Variants in OVOL1 observed in about 807,000 individuals in gnomAD.
OVOL1 encodes putative transcription factor Ovo-like 1.
In OVOL1, 10 loss-of-function variants were observed where a neutral mutation model predicts 21.5. That is an observed-to-expected ratio of 0.46 (90% CI 0.29 to 0.79). OVOL1 has a LOEUF of 0.79. OVOL1 is among the 30% of genes least tolerant of loss of function. OVOL1 has a pLI of 0.10. For missense variants in OVOL1, 279 were observed against 362.3 expected, an observed-to-expected ratio of 0.77 and a Z score of 1.87; for synonymous variants, 129 against 150.3, an observed-to-expected ratio of 0.86 and a Z score of 1.03.
intron 1 of OVOL1, chr11:65,790,216 TC>T: frequency 6.6e-6 from 1 of 151,456 alleles, no homozygotes; most frequent in Non-Finnish European, 1.5e-5. Flanking sequence ...TGAAGCTGGT[TC>T]CCCCGAGCCC....
Position 65,795,052 on chromosome 11 carries a change from G to A in OVOL1, c.515G>A (p.Arg172Gln), listed in dbSNP as rs924332135. The A allele has an allele frequency of 2.6e-5, 42 of 1,612,104 alleles. No homozygotes were observed. Among genetic ancestry groups the A allele is most frequent in the Non-Finnish European group, 3.5e-5 (41 of 1,179,728 alleles). ...KRHVRTHTGV[R>Q]PYKCSLCDKA... ...GCCCCTGTCCTCCCCACAGGCGTGC[G>A]GCCCTACAAGTGCAGCCTGTGTGAC... Residue 172 changes from arginine (R) to glutamine (Q), a missense_variant, in exon 4 of 4, where the codon CGG (arginine) becomes CAG (glutamine). Coordinates refer to ENST00000335987, the MANE Select transcript of OVOL1 (RefSeq NM_004561.4). This position sits in a 1 kb window ranked among gnomAD's most constrained non-coding sequence, Gnocchi z 5.7.
At chr11:65,794,462 A>G in intron 2 of OVOL1, 76 bp from the exon 3 acceptor site, 1 of 1,418,982 alleles carries the variant, frequency 7.0e-7, no homozygotes, top group Non-Finnish European at 9.8e-7. Flanking sequence ...GGGGGCTGGC[A>G]TCCACGTCTT....
intron 1 of OVOL1, among the ~76,000 whole-genome samples, chr11:65,791,895 G>A (rs748255902): frequency 5.3e-5 from 8 of 152,236 alleles, no homozygotes; most frequent in African/African-American, 1.2e-4. Context: ...GCCACTCAGC[G>A]ACACTCAGTG....
intron 1 of OVOL1, among the ~76,000 whole-genome samples, chr11:65,791,938 G>A (rs903764011): frequency 2.0e-5 from 3 of 152,258 alleles, no homozygotes; most frequent in East Asian, 1.9e-4. Context: ...CTCCCTGTGC[G>A]TGTGGCCGCA....
chr11:65,794,336 G>A lies in OVOL1; in HGVS notation c.318+88G>A. On this transcript the variant is annotated intron_variant, in intron 2 of 3. Transcript: ENST00000335987. ...TGAGACATGGCACAAATGAGATGTA[G>A]GCAGAGACTGACCTGGGACCTGGGC... 4 of 1,287,648 alleles carry A rather than the reference G, an allele frequency of 3.1e-6. No homozygotes were observed. The Admixed American group carries it at 7.2e-5, about 23-fold the overall frequency. The allele number at this position is 1,287,648 out of a possible 1,614,324, so 79.8% of individuals were successfully genotyped here.
intron 1 of OVOL1, chr11:65,789,667 C>T (rs1451031807): frequency 9.1e-6 from 9 of 985,218 alleles, no homozygotes; most frequent in South Asian, 4.7e-5. Context: ...CAGCTGGGCA[C>T]GTTTCCGTTC....
rs1858150557 is a variant in OVOL1 at position 65,797,161 on chromosome 11, G to C, written c.*1820G>C. The C allele has an allele frequency of 6.6e-6, 1 of 152,168 alleles. No individual in the cohort carries two copies. The highest frequency in any genetic ancestry group is 1.5e-5 in the Non-Finnish European group (1 of 68,040). The allele number at this position is 152,168 out of a possible 1,614,324, so 9.4% of individuals were successfully genotyped here. Reference sequence around the variant, plus strand: ...ATCCGAGGCCGTCATGAAGCTCTGTGTTGTCTGTTTTATTTTATAACCTTC... The same window carrying C: ...ATCCGAGGCCGTCATGAAGCTCTGTCTTGTCTGTTTTATTTTATAACCTTC... On this transcript the variant is annotated 3_prime_UTR_variant, in exon 4 of 4. Transcript: ENST00000335987.
At chr11:65,788,413 C>A in intron 1 of OVOL1, 1 of 980,490 alleles carries the variant, frequency 1.0e-6, no homozygotes, top group Non-Finnish European at 1.2e-6. Context: ...TCCGAACGCC[C>A]CCTCCCCAGG....
In OVOL1 at chr11:65,796,258, C is replaced by T. The variant is rs1858131333; in HGVS notation, c.*917C>T. ...ACTAGAAGATCTTCCTCCAGCGGCGCCCTGGACGGCTGCTCCTGCGAACAG... is the reference window on the plus strand; with the variant it reads ...ACTAGAAGATCTTCCTCCAGCGGCGTCCTGGACGGCTGCTCCTGCGAACAG... On this transcript the variant is annotated 3_prime_UTR_variant, in exon 4 of 4. Transcript: ENST00000335987. 1 of 152,570 alleles carries T rather than the reference C, an allele frequency of 6.6e-6. No homozygotes were observed. Among genetic ancestry groups the T allele is most frequent in the African/African-American group, 2.4e-5 (1 of 41,440 alleles). The allele number at this position is 152,570 out of a possible 1,614,324, so 9.5% of individuals were successfully genotyped here. A position where few individuals can be genotyped will look rare whatever the true frequency, so the allele number is the denominator to read the frequency against.
rs374453459 is a variant in OVOL1, at chr11:65,794,076, C to A, written c.146C>A (p.Pro49His). The A allele has an allele frequency of 8.7e-6, 14 of 1,613,954 alleles. No homozygotes were observed. In the African/African-American group the frequency reaches 1.9e-4, roughly 22 times the overall value. ...CCACAGCCCTACCGGGAGCCGGAACCCTCTGTGGCCGAACCCCCTTCCTGC... is the reference window on the plus strand; with the variant it reads ...CCACAGCCCTACCGGGAGCCGGAACACTCTGTGGCCGAACCCCCTTCCTGC... ...CPPQPYREPE[P>H]SVAEPPSCPL... The change falls in exon 2 of 4, where the codon CCC becomes CAC. Residue 49 changes from proline (P) to histidine (H), a missense_variant. Physicochemically the swap from Pro to His is moderately conservative, Grantham distance 77 (BLOSUM62 -2). Transcript: ENST00000335987.
rs528857464 is a variant in OVOL1 at position 65,796,153 on chromosome 11, T to G, written c.*812T>G. 6.5e-6 allele frequency: 1 copy of G among 152,688 alleles called. No individual in the cohort carries two copies. Among genetic ancestry groups the G allele is most frequent in the South Asian group, 2.1e-4 (1 of 4,822 alleles). The allele number at this position is 152,688 out of a possible 1,614,324, so 9.5% of individuals were successfully genotyped here. On this transcript the variant is annotated 3_prime_UTR_variant, in exon 4 of 4. Coordinates refer to ENST00000335987, the MANE Select transcript of OVOL1 (RefSeq NM_004561.4). ...CGTGCGCTTCTATTTATCCTGGACA[T>G]TTCAAACCTCCTCTGTGCCTTGGCT...
intron 1 of OVOL1, chr11:65,789,755 T>C (rs1857972477): frequency 2.1e-6 from 2 of 958,870 alleles, no homozygotes; most frequent in Non-Finnish European, 2.5e-6. Flanking sequence ...AATGTGGGAG[T>C]GTTTGAGTTC....
At chr11:65,791,195 C>T (rs759674524) in intron 1 of OVOL1, among the ~76,000 whole-genome samples, 1 of 152,230 alleles carries the variant, frequency 6.6e-6, no homozygotes, top group South Asian at 2.1e-4. Context: ...CTGGCCCATG[C>T]GTTACCGGGC....
chr11:65,792,957 TGC>T (rs1413336416), intron 1 of OVOL1, among the ~76,000 whole-genome samples: 16 of 152,256 alleles, frequency 1.1e-4, no homozygotes, highest in African/African-American at 3.9e-4. Flanking sequence ...GCCGTGCTCC[TGC>T]TTCTGCAATC....
At chr11:65,793,230 C>T (rs75587416) in intron 1 of OVOL1, among the ~76,000 whole-genome samples, 2,563 of 152,312 alleles carry the variant, frequency 0.017, 72 homozygotes, top group African/African-American at 0.059. Context: ...CAAGCCTCCC[C>T]GGCCCGTTCG....
chr11:65,788,931 G>GGGGGCACGCAGAGGGCC, intron 1 of OVOL1: 1 of 986,642 alleles, frequency 1.0e-6, no homozygotes, highest in Non-Finnish European at 1.2e-6. Flanking sequence ...GGGGGTTGGT[G>GGGGGCACGCAGAGGGCC]GGGGCACGCA....
chr11:65,794,741 C>T lies in OVOL1; in HGVS notation c.508+14C>T, dbSNP rs1858094668. 1.2e-6 allele frequency: 2 copies of T among 1,611,898 alleles called. No individual in the cohort carries two copies. Among genetic ancestry groups the T allele is most frequent in the Admixed American group, 3.3e-5 (2 of 60,022 alleles). ...GAACTCACACTGGTAAGTGGAAGCC[C>T]ACGGCTGGGAGGAGCACGCCGGATC... On this transcript the variant is annotated intron_variant, in intron 3 of 3. Coordinates refer to ENST00000335987, the MANE Select transcript of OVOL1 (RefSeq NM_004561.4).
At chr11:65,793,282 T>G (rs1360451516) in intron 1 of OVOL1, among the ~76,000 whole-genome samples, 1 of 152,194 alleles carries the variant, frequency 6.6e-6, no homozygotes, top group Non-Finnish European at 1.5e-5. Flanking sequence ...ATCCAAGGGC[T>G]GCCAGGTATC....
chr11:65,791,608 C>T (rs918119371), intron 1 of OVOL1, among the ~76,000 whole-genome samples: 2 of 152,210 alleles, frequency 1.3e-5, no homozygotes, highest in African/African-American at 2.4e-5. Context: ...AGACAGGCCT[C>T]GATGGGCAGC....
Sources: gnomAD v4.1 joint callset for allele counts (sites outside exome capture counted in the v4.1 genomes callset) on GRCh38, gnomAD v4.1.1 for gene constraint, Gnocchi (gnomAD v3.1) non-coding constraint, MANE v1.5 for transcripts, NCBI Gene and HGNC (gene_info 2026-07-23, HGNC 2026-07-21) for gene names.